The following OPCML variants were observed in gnomAD, a reference collection of about 807,000 sequenced individuals.
OPCML encodes opioid binding protein/cell adhesion molecule like.
In OPCML, 13 loss-of-function variants were observed where a neutral mutation model predicts 37.8. The observed-to-expected ratio is 0.34, with a 90% CI of 0.22 to 0.55. The LOEUF (loss-of-function observed/expected upper bound fraction) is 0.55. Ranked by LOEUF, OPCML falls within the 20% of genes least tolerant of loss-of-function variation. The pLI is 0.91. For synonymous variants in OPCML, 176 were observed against 168.8 expected (o/e 1.04, Z -0.33); for missense variants, 341 against 435.6 (o/e 0.78, Z 1.93).
At chr11:132,853,432 G>A (rs1485850392) in intron 2 of OPCML, among the ~76,000 whole-genome samples, 1 of 152,132 alleles carries the variant, frequency 6.6e-6, no homozygotes, top group East Asian at 1.9e-4. Flanking sequence ...GTAAAAATAT[G>A]AATTCAAAAT....
At chr11:133,061,199 G>T (rs1010539007) in intron 1 of OPCML, among the ~76,000 whole-genome samples, 4 of 152,132 alleles carry the variant, frequency 2.6e-5, no homozygotes, top group Non-Finnish European at 4.4e-5. Context: ...TGATCATTTT[G>T]GTTGACTGCA....
chr11:133,070,339 C>T (rs187155406), intron 1 of OPCML, among the ~76,000 whole-genome samples: 1 of 152,204 alleles, frequency 6.6e-6, no homozygotes, highest in Non-Finnish European at 1.5e-5. Flanking sequence ...ACTGCTTGTC[C>T]CTGTTCTGTC....
At chr11:132,481,482 A>G (rs2096180189) in intron 4 of OPCML, among the ~76,000 whole-genome samples, 2 of 149,950 alleles carry the variant, frequency 1.3e-5, no homozygotes, top group Admixed American at 1.3e-4. Flanking sequence ...AGACTTTAAC[A>G]CCCCACTGTC....
intron 1 of OPCML, among the ~76,000 whole-genome samples, chr11:133,383,728 T>C (rs1944980282): frequency 6.6e-6 from 1 of 152,098 alleles, no homozygotes; most frequent in African/African-American, 2.4e-5. Flanking sequence ...TAATAGGAGA[T>C]CAGTAAACCT....
chr11:133,046,454 T>C (rs994202138), intron 1 of OPCML, among the ~76,000 whole-genome samples: 1 of 152,198 alleles, frequency 6.6e-6, no homozygotes, highest in Non-Finnish European at 1.5e-5. Context: ...CAGTCTGTTC[T>C]TGCAGGAATG....
chr11:133,035,836 T>A (rs1418486961), intron 1 of OPCML, among the ~76,000 whole-genome samples: 1 of 152,112 alleles, frequency 6.6e-6, no homozygotes, highest in African/African-American at 2.4e-5. Flanking sequence ...ATGGGAACCT[T>A]GAGGCTGAAT....
At chr11:132,581,334 T>C (rs1176092886) in intron 3 of OPCML, among the ~76,000 whole-genome samples, 1 of 152,204 alleles carries the variant, frequency 6.6e-6, no homozygotes, top group African/African-American at 2.4e-5. Context: ...GTCCCCTGTG[T>C]CTACATATGC....
chr11:132,885,417 G>A (rs1314041704), intron 2 of OPCML, among the ~76,000 whole-genome samples: 1 of 152,142 alleles, frequency 6.6e-6, no homozygotes, highest in Non-Finnish European at 1.5e-5. Flanking sequence ...ACTTTAGCTG[G>A]AGGTCAAGAG....
chr11:133,349,735 A>G (rs1944085168), intron 1 of OPCML, among the ~76,000 whole-genome samples: 1 of 152,206 alleles, frequency 6.6e-6, no homozygotes, highest in Non-Finnish European at 1.5e-5. Context: ...GGTGTGAGAC[A>G]GGAAGAACAC....
At chr11:132,931,711 G>T (rs1945208397) in intron 2 of OPCML, among the ~76,000 whole-genome samples, 1 of 152,194 alleles carries the variant, frequency 6.6e-6, no homozygotes, top group Admixed American at 6.5e-5. Context: ...TTGCTGGTGA[G>T]AATATAAAAT....
intron 2 of OPCML, among the ~76,000 whole-genome samples, chr11:132,674,926 C>T (rs1942633053): frequency 6.6e-6 from 1 of 152,172 alleles, no homozygotes; most frequent in Non-Finnish European, 1.5e-5. Context: ...ATTATCCACT[C>T]TAAGTTATGT....
intron 1 of OPCML, among the ~76,000 whole-genome samples, chr11:133,111,728 G>A (rs868097486): frequency 6.6e-6 from 1 of 152,204 alleles, no homozygotes; most frequent in African/African-American, 2.4e-5. Flanking sequence ...TAAAGTTGGT[G>A]CCAGGAAGGG....
At chr11:133,508,320 C>T (rs1011377839) in intron 1 of OPCML, among the ~76,000 whole-genome samples, 1 of 152,198 alleles carries the variant, frequency 6.6e-6, no homozygotes, top group South Asian at 2.1e-4. Context: ...TTCTTCATTT[C>T]CATACTGCTG....
chr11:132,679,392 G>C (rs975055696), intron 2 of OPCML, among the ~76,000 whole-genome samples: 14 of 152,330 alleles, frequency 9.2e-5, no homozygotes, highest in Admixed American at 2.6e-4. Flanking sequence ...TATCCACATG[G>C]TGAAATATAT....
At chr11:133,239,902 G>T (rs190683311) in intron 1 of OPCML, among the ~76,000 whole-genome samples, 41 of 152,228 alleles carry the variant, frequency 2.7e-4, no homozygotes, top group African/African-American at 9.1e-4. Flanking sequence ...GGAATAAAAT[G>T]TGTCATTTCA....
chr11:133,025,065 G>A (rs1947526142), intron 1 of OPCML: 2 of 897,780 alleles, frequency 2.2e-6, no homozygotes, highest in Non-Finnish European at 2.7e-6. Context: ...AGGTATCTAT[G>A]GAGTATATGT....
In OPCML at chr11:132,438,952, C is replaced by A. The variant is rs142028891; in HGVS notation, c.506-1593G>T. ...CATGTCCTACCCCAGGTCATGCCCACCCAGGGAGTACCATCAGTCTCTGGA... is the reference window on the plus strand; with the variant it reads ...CATGTCCTACCCCAGGTCATGCCCAACCAGGGAGTACCATCAGTCTCTGGA... On this transcript the variant is annotated intron_variant, in intron 4 of 7. Transcript: ENST00000524381. 2.8e-3 allele frequency among the ~76,000 whole-genome samples: 422 copies of A among 152,222 alleles called. 2 individuals carry two copies. Among genetic ancestry groups the A allele is most frequent in the African/African-American group, 8.0e-3 (332 of 41,518 alleles).
intron 1 of OPCML, among the ~76,000 whole-genome samples, chr11:133,266,933 G>A (rs1941679075): frequency 6.6e-6 from 1 of 152,164 alleles, no homozygotes; most frequent in Non-Finnish European, 1.5e-5. Context: ...CTACATGGAA[G>A]CTACCTTTTA....
intron 2 of OPCML, among the ~76,000 whole-genome samples, chr11:132,828,277 T>C (rs1024390447): frequency 6.6e-6 from 1 of 152,124 alleles, no homozygotes; most frequent in Admixed American, 6.5e-5. Context: ...GAAGACACTT[T>C]AGGGCCATAA....
Sources: gnomAD v4.1 joint callset for allele counts (sites outside exome capture counted in the v4.1 genomes callset) on GRCh38, gnomAD v4.1.1 for gene constraint, MANE v1.5 for transcripts, NCBI Gene and HGNC (gene_info 2026-07-23, HGNC 2026-07-21) for gene names.